CCDC9: variants seen among roughly 807,000 people sequenced by gnomAD.
The protein encoded by CCDC9 is coiled-coil domain containing 9.
Under a neutral mutation model 65.6 loss-of-function variants are expected in CCDC9, and 52 were observed. That is an observed-to-expected ratio of 0.79 (90% CI 0.63 to 1.00). The LOEUF (loss-of-function observed/expected upper bound fraction) is 1.00. Ranked by LOEUF, CCDC9 falls within the 50% of genes least tolerant of loss-of-function variation. The pLI is 0.00. For missense variants in CCDC9, 834 were observed against 757.2 expected, an observed-to-expected ratio of 1.10 and a Z score of -1.19; for synonymous variants, 332 against 280.3, an observed-to-expected ratio of 1.18 and a Z score of -1.84.
rs908502037 is a variant in CCDC9 at position 47,256,539 on chromosome 19, C to T, written c.-142C>T. The T allele has an allele frequency of 6.6e-6, 1 of 152,508 alleles. No homozygotes were observed. The highest frequency in any genetic ancestry group is 2.0e-4 in the South Asian group (1 of 4,902). 9.4% of individuals were successfully genotyped at this position (152,508 alleles called of 1,614,324 possible). A position where few individuals can be genotyped will look rare whatever the true frequency, so the allele number is the denominator to read the frequency against. ...GTGGTGCAGGCAGGAAGTGACGCGC[C>T]TGGCCCGGGAGCTGCGGTCGCAGAG... On this transcript the variant is annotated 5_prime_UTR_variant, in exon 1 of 12. Transcript: ENST00000221922.
At chr19:47,267,635 C>G (rs1265993111) in intron 8 of CCDC9, among the ~76,000 whole-genome samples, 1 of 152,140 alleles carries the variant, frequency 6.6e-6, no homozygotes, top group African/African-American at 2.4e-5. Context: ...CAGTTGTGTT[C>G]GCCAGCACAC....
intron 7 of CCDC9, 115 bp downstream of exon 7, chr19:47,265,061 G>A (rs942007829): frequency 2.1e-6 from 2 of 940,914 alleles, no homozygotes; most frequent in Admixed American, 3.7e-5. Flanking sequence ...CCACAGCACA[G>A]GACTTTTTTT....
chr19:47,275,349 C>T (rs1475471281), downstream of CCDC9: 5 of 1,538,370 alleles, frequency 3.3e-6, no homozygotes, highest in Non-Finnish European at 4.4e-6. Context: ...ACCCGGGTAA[C>T]TCTCCCTTCC....
intron 8 of CCDC9, among the ~76,000 whole-genome samples, chr19:47,267,749 G>A (rs1264497262): frequency 1.3e-5 from 2 of 152,194 alleles, no homozygotes; most frequent in Non-Finnish European, 2.9e-5. Flanking sequence ...CATGAAGGCT[G>A]TTTAACAGCG....
chr19:47,275,046 G>A, downstream of CCDC9: 1 of 1,490,894 alleles, frequency 6.7e-7, no homozygotes, highest in Non-Finnish European at 8.9e-7. Flanking sequence ...CGTCTCGCTA[G>A]CTGCCGTGCT....
intron 1 of CCDC9, among the ~76,000 whole-genome samples, 200 bp downstream of exon 1, chr19:47,256,809 A>C (rs1235110111): frequency 6.8e-6 from 1 of 146,016 alleles, no homozygotes; most frequent in Non-Finnish European, 1.5e-5. Context: ...GGGCGTGGCC[A>C]GAGCCTGGGC....
downstream of CCDC9, chr19:47,275,409 G>A: frequency 6.6e-7 from 1 of 1,505,222 alleles, no homozygotes; most frequent in Non-Finnish European, 8.9e-7. Context: ...CCACGCCGAG[G>A]ATGCACCGTC....
Position 47,271,681 on chromosome 19 carries a change from C to G in CCDC9, c.*3C>G. The G allele has an allele frequency of 6.5e-7, 1 of 1,549,844 alleles. No individual in the cohort carries two copies. Among genetic ancestry groups the G allele is most frequent in the Non-Finnish European group, 8.7e-7 (1 of 1,147,012 alleles). ...CCTGGCCTTTTGAGAGTGTATGAAG[C>G]TGGCTGCCTGTGTGTGTGTGTGTGT... On this transcript the variant is annotated 3_prime_UTR_variant, in exon 12 of 12. Coordinates refer to ENST00000221922, the MANE Select transcript of CCDC9 (RefSeq NM_015603.3).
At chr19:47,264,976 G>C in intron 7 of CCDC9, 30 bp downstream of exon 7, 1 of 1,427,716 alleles carries the variant, frequency 7.0e-7, no homozygotes, top group Non-Finnish European at 9.1e-7. Context: ...ACACCTCGGG[G>C]CTCTCAGGGC....
In CCDC9 at chr19:47,270,633, C is replaced by T. The variant is rs754391036; in HGVS notation, c.1030C>T (p.Arg344Cys). Residue 344 changes from arginine (R) to cysteine (C), a missense_variant, in exon 10 of 12, where the codon CGC (arginine) becomes TGC (cysteine). Transcript: ENST00000221922. ...CCAGCACAAAGCTGAGGCCAGCAGC[C>T]GCAGAAGGAGAAAGAGCAGTCGGCC... ...LSQHKAEASS[R>C]RRRKSSRPQA... 5.6e-5 allele frequency: 91 copies of T among 1,612,814 alleles called. No individual in the cohort carries two copies. Among genetic ancestry groups the T allele is most frequent in the Non-Finnish European group, 6.9e-5 (82 of 1,180,040 alleles).
chr19:47,275,135 G>T, downstream of CCDC9: 1 of 1,489,884 alleles, frequency 6.7e-7, no homozygotes. Flanking sequence ...CCAGCGCGCC[G>T]TCCCCTCCGT....
At chr19:47,275,132 G>A (rs1222730650), downstream of CCDC9, 16 of 1,489,916 alleles carry the variant, frequency 1.1e-5, no homozygotes, top group East Asian at 5.8e-5. Flanking sequence ...AGCCCAGCGC[G>A]CCGTCCCCTC....
In CCDC9 at chr19:47,258,416, A is replaced by G; in HGVS notation, c.3+13A>G. ...AGCCAGCGAAATGGTGAGGCTGAAA[A>G]ATGGGGTCTCTAGAATCTGAGTTTT... On this transcript the variant is annotated intron_variant, in intron 2 of 11. Transcript: ENST00000221922. 8 of 1,613,998 alleles carry G rather than the reference A, an allele frequency of 5.0e-6. No individual in the cohort carries two copies. The highest frequency in any genetic ancestry group is 6.8e-6 in the Non-Finnish European group (8 of 1,179,998).
intron 5 of CCDC9, 84 bp downstream of exon 5, chr19:47,260,923 G>A: frequency 2.1e-6 from 3 of 1,451,924 alleles, no homozygotes; most frequent in Non-Finnish European, 2.8e-6. Context: ...ATGCACATTT[G>A]TCCTGTGTGT....
Position 47,270,425 on chromosome 19 carries a change from C to A in CCDC9, c.921C>A (p.Val307=). 1 of 1,614,202 alleles carries A rather than the reference C, an allele frequency of 6.2e-7. No homozygotes were observed. Among genetic ancestry groups the A allele is most frequent in the Non-Finnish European group, 8.5e-7 (1 of 1,180,024 alleles). The stretch of plus-strand genomic sequence containing the variant: ...CCCCCAGGTTCAAGGATGGCCCAGT[C>A]CCTGCCCATGAACCATCCCACCGCT... ...KTDGMFKDGP[V]PAHEPSHRYD... The change falls in exon 9 of 12, where the codon GTC becomes GTA. Residue 307 remains valine, a synonymous_variant. Coordinates refer to ENST00000221922, the MANE Select transcript of CCDC9 (RefSeq NM_015603.3).
At chr19:47,259,953 G>A (rs149643196) in intron 3 of CCDC9, among the ~76,000 whole-genome samples, 181 of 152,338 alleles carry the variant, frequency 1.2e-3, no homozygotes, top group Non-Finnish European at 2.1e-3. Flanking sequence ...TGGGAAAAGT[G>A]TTCCTGGCAG....
At chr19:47,273,954 C>T (rs1278190894), downstream of CCDC9, 12 of 983,578 alleles carry the variant, frequency 1.2e-5, no homozygotes, top group Non-Finnish European at 1.4e-5. Flanking sequence ...TCTTCCCTCC[C>T]CCCTCCCGCA....
intron 1 of CCDC9, among the ~76,000 whole-genome samples, chr19:47,256,896 G>A (rs1375192951): frequency 6.6e-6 from 1 of 152,096 alleles, no homozygotes; most frequent in Non-Finnish European, 1.5e-5. Flanking sequence ...CAGCTGTGTG[G>A]CGGGGCTCGG....
At chr19:47,272,118 A>G, downstream of CCDC9, 3 of 1,236,148 alleles carry the variant, frequency 2.4e-6, no homozygotes, top group Non-Finnish European at 3.0e-6. Context: ...CCAGCCTCCG[A>G]GGAACCCAGG....
Sources: gnomAD v4.1 joint callset for allele counts (sites outside exome capture counted in the v4.1 genomes callset) on GRCh38, gnomAD v4.1.1 for gene constraint, MANE v1.5 for transcripts, NCBI Gene and HGNC (gene_info 2026-07-23, HGNC 2026-07-21) for gene names.